Variants in TFEB observed in about 807,000 individuals in gnomAD.
TFEB encodes the protein transcription factor EB.
In TFEB, 12 loss-of-function variants were observed where a neutral mutation model predicts 48.0. The ratio of observed to expected loss-of-function variants is 0.25; its 90% CI spans 0.16 to 0.40. The LOEUF (loss-of-function observed/expected upper bound fraction) is 0.40. TFEB is among the 10% of genes least tolerant of loss of function. The pLI is 1.00. For synonymous variants in TFEB, 244 were observed against 261.4 expected (o/e 0.93, Z 0.64); for missense variants, 509 against 640.3 (o/e 0.79, Z 2.21).
rs149455883 is a variant in TFEB at position 41,691,613 on chromosome 6, C to G, written c.-22-378G>C. On this transcript the variant is annotated intron_variant, in intron 1 of 8. Coordinates refer to ENST00000373033, the MANE Select transcript of TFEB (RefSeq NM_001271944.2). This position sits in a 1 kb window ranked among gnomAD's most constrained non-coding sequence, Gnocchi z 5.2. Reference sequence around the variant, plus strand: ...GGGCCCAGCCTATCCTGGGTCTTACCTGGAATCCCGCAGGAGTAGCCCAGT... The same window carrying G: ...GGGCCCAGCCTATCCTGGGTCTTACGTGGAATCCCGCAGGAGTAGCCCAGT... 578 of 425,688 alleles carry G rather than the reference C, an allele frequency of 1.4e-3. 3 individuals are homozygous for G. The highest frequency in any genetic ancestry group is 0.011 in the African/African-American group (543 of 49,564). The allele number at this position is 425,688 out of a possible 1,614,324, so 26.4% of individuals were successfully genotyped here. A position where few individuals can be genotyped will look rare whatever the true frequency, so the allele number is the denominator to read the frequency against.
intron 1 of TFEB, among the ~76,000 whole-genome samples, chr6:41,719,390 T>C (rs181732287): frequency 1.3e-5 from 2 of 152,324 alleles, no homozygotes; most frequent in Admixed American, 6.5e-5. Context: ...CATCCATCCA[T>C]GGAAAAACTG....
intron 1 of TFEB, 197 bp downstream of exon 1, chr6:41,735,153 G>A: frequency 2.1e-6 from 2 of 946,140 alleles, no homozygotes; most frequent in Non-Finnish European, 2.5e-6. Context: ...GGCGGGCAGC[G>A]CCGCTCGGGC....
At chr6:41,695,779 G>A (rs1426925246) in intron 1 of TFEB, among the ~76,000 whole-genome samples, 1 of 152,216 alleles carries the variant, frequency 6.6e-6, no homozygotes, top group Non-Finnish European at 1.5e-5. Flanking sequence ...CTCTTACAGT[G>A]GGAATATGTG....
At chr6:41,726,871 C>T (rs1302072547) in intron 1 of TFEB, among the ~76,000 whole-genome samples, 1 of 152,168 alleles carries the variant, frequency 6.6e-6, no homozygotes, top group African/African-American at 2.4e-5. Context: ...GTATTTTCTT[C>T]CCATACCTAG....
intron 1 of TFEB, among the ~76,000 whole-genome samples, chr6:41,706,206 C>G (rs538610061): frequency 5.8e-4 from 89 of 152,338 alleles, no homozygotes; most frequent in African/African-American, 2.0e-3. Context: ...CCCCAACTGT[C>G]CCCTTGAGGA....
chr6:41,709,813 G>T (rs931054103), intron 1 of TFEB, among the ~76,000 whole-genome samples: 1 of 151,996 alleles, frequency 6.6e-6, no homozygotes, highest in Non-Finnish European at 1.5e-5. Context: ...TTGAGACAGG[G>T]TCTCACTCTG....
chr6:41,707,224 AC>A (rs1770272316), intron 1 of TFEB, among the ~76,000 whole-genome samples: 1 of 151,958 alleles, frequency 6.6e-6, no homozygotes, highest in South Asian at 2.1e-4. Flanking sequence ...CCAACAACAC[AC>A]CTGCCTGGAG....
rs4487571 is a variant in TFEB at position 41,734,881 on chromosome 6, C to T, written c.-23+469G>A. ...CCCCGCTGGCCTGGCCAGACTCAGC[C>T]CCCGCACACCTCCCCTACCTCCGAC... On this transcript the variant is annotated intron_variant, in intron 1 of 8. Coordinates refer to ENST00000373033, the MANE Select transcript of TFEB (RefSeq NM_001271944.2). This position sits in a 1 kb window ranked among gnomAD's most constrained non-coding sequence, Gnocchi z 4.0. 1 of 985,130 alleles carries T rather than the reference C, an allele frequency of 1.0e-6. No individual in the cohort carries two copies. Among genetic ancestry groups the T allele is most frequent in the South Asian group, 4.7e-5 (1 of 21,286 alleles). The allele number at this position is 985,130 out of a possible 1,614,324, so 61.0% of individuals were successfully genotyped here.
intron 1 of TFEB, among the ~76,000 whole-genome samples, chr6:41,715,038 C>T (rs894309094): frequency 6.6e-6 from 1 of 152,088 alleles, no homozygotes; most frequent in South Asian, 2.1e-4. Flanking sequence ...CCATGGAGCA[C>T]CAGGAGTCAG....
chr6:41,718,618 G>A (rs1044943918), intron 1 of TFEB, among the ~76,000 whole-genome samples: 1 of 151,294 alleles, frequency 6.6e-6, no homozygotes, highest in African/African-American at 2.4e-5. Flanking sequence ...TATGCCCCCT[G>A]TTTGAGGTTT....
Position 41,724,419 on chromosome 6 carries a change from C to T in TFEB, c.-23+10931G>A, listed in dbSNP as rs1018357935. 3.3e-5 allele frequency among the ~76,000 whole-genome samples: 5 copies of T among 152,086 alleles called. No homozygotes were observed. Among genetic ancestry groups the T allele is most frequent in the South Asian group, 2.1e-4 (1 of 4,824 alleles). ...GCAGCAGAGAGGAGATGAGGCAGGC[C>T]GTGGCTCCTGGAGAAGGCAGGAGAT... On this transcript the variant is annotated intron_variant, in intron 1 of 8. Coordinates refer to ENST00000373033, the MANE Select transcript of TFEB (RefSeq NM_001271944.2). This position sits in a 1 kb window ranked among gnomAD's most constrained non-coding sequence, Gnocchi z 4.4.
In TFEB at chr6:41,734,382, G is replaced by T; in HGVS notation, c.-23+968C>A. 1.0e-6 allele frequency: 1 copy of T among 984,978 alleles called. No homozygotes were observed. The highest frequency in any genetic ancestry group is 1.2e-6 in the Non-Finnish European group (1 of 829,736). The allele number at this position is 984,978 out of a possible 1,614,324, so 61.0% of individuals were successfully genotyped here. On this transcript the variant is annotated intron_variant, in intron 1 of 8. Transcript: ENST00000373033. The surrounding 1 kb of genome is among the most constrained non-coding windows in gnomAD (Gnocchi z 4.0). ...CTGCTCGCGCAGCCCGGAGCAGCTC[G>T]GGGCAGCCGTGCGTGAAGCCGGAAC...
At chr6:41,704,996 C>T (rs976569279) in intron 1 of TFEB, among the ~76,000 whole-genome samples, 19 of 152,206 alleles carry the variant, frequency 1.2e-4, no homozygotes, top group Non-Finnish European at 2.6e-4. Flanking sequence ...AGTGGAAAAG[C>T]AACCCAGACA....
chr6:41,706,237 G>A (rs896250335), intron 1 of TFEB, among the ~76,000 whole-genome samples: 2 of 152,338 alleles, frequency 1.3e-5, no homozygotes, highest in East Asian at 3.9e-4. Context: ...CCAGACAGCT[G>A]GAGGGGATGG....
intron 1 of TFEB, among the ~76,000 whole-genome samples, chr6:41,727,656 C>G (rs189938789): frequency 5.6e-4 from 85 of 152,258 alleles, no homozygotes; most frequent in African/African-American, 2.0e-3. Flanking sequence ...TGTGCCACTG[C>G]ACTCCAGCCT....
At chr6:41,710,277 G>A (rs950763730) in intron 1 of TFEB, among the ~76,000 whole-genome samples, 23 of 152,158 alleles carry the variant, frequency 1.5e-4, no homozygotes, top group Admixed American at 1.5e-3. Flanking sequence ...CTTCATACCA[G>A]CTCCCACCAT....
chr6:41,734,197 G>T lies in TFEB; in HGVS notation c.-23+1153C>A. The T allele has an allele frequency of 4.1e-6, 1 of 245,018 alleles. No individual in the cohort carries two copies. The highest frequency in any genetic ancestry group is 6.6e-6 in the Non-Finnish European group (1 of 152,648). 15.2% of individuals were successfully genotyped at this position (245,018 alleles called of 1,614,324 possible). A position where few individuals can be genotyped will look rare whatever the true frequency, so the allele number is the denominator to read the frequency against. ...GCGAGAGAACGACGGCTGGAGCTGA[G>T]GGGGGTTCGGGGGAAGGCGCAGCGG... On this transcript the variant is annotated intron_variant, in intron 1 of 8. Coordinates refer to ENST00000373033, the MANE Select transcript of TFEB (RefSeq NM_001271944.2). The surrounding 1 kb of genome is among the most constrained non-coding windows in gnomAD (Gnocchi z 4.0).
chr6:41,685,160 G>C, intron 8 of TFEB, 82 bp from the exon 9 acceptor site: 1 of 1,364,426 alleles, frequency 7.3e-7, no homozygotes, highest in Non-Finnish European at 9.5e-7. Context: ...CTCTATCACA[G>C]CACTTGCCCC....
rs759143049 is a variant in TFEB at position 41,684,770 on chromosome 6, C to T, written c.1260G>A (p.Gly420=). ...ACAGGCTGGGGAATGGGGAGCCATG[C>T]CCCGGCGCCAGGGGTTCGGGGTAGC... ...PPGYPEPLAP[G]HGSPFPSLSK... Residue 420 remains glycine (G), a synonymous_variant, in exon 9 of 9, where the codon GGG becomes GGA. Coordinates refer to ENST00000373033, the MANE Select transcript of TFEB (RefSeq NM_001271944.2). 2.5e-6 allele frequency: 4 copies of T among 1,611,818 alleles called. No individual in the cohort carries two copies. The South Asian group carries it at 4.4e-5, about 18-fold the overall frequency.
Sources: allele counts gnomAD v4.1 joint callset (sites outside exome capture counted in the v4.1 genomes callset), GRCh38; gene constraint gnomAD v4.1.1; non-coding constraint Gnocchi (gnomAD v3.1); transcripts MANE v1.5; gene names NCBI Gene and HGNC (gene_info 2026-07-23, HGNC 2026-07-21).